The following EFTUD2 variants were observed in gnomAD, a reference collection of about 807,000 sequenced individuals.
The protein encoded by EFTUD2 is elongation factor Tu GTP binding domain containing 2, also known as 116 kDa U5 small nuclear ribonucleoprotein component.
EFTUD2 carries 9 observed loss-of-function variants against 114.3 expected under a neutral mutation model. The ratio of observed to expected loss-of-function variants is 0.08; its 90% CI spans 0.05 to 0.14. EFTUD2 has a LOEUF of 0.14. Ranked by LOEUF, EFTUD2 falls within the 10% of genes least tolerant of loss-of-function variation. The probability of loss-of-function intolerance (pLI) is 1.00; values close to 1 mark genes in which losing one functional copy is unlikely to be tolerated. For synonymous variants in EFTUD2, 449 were observed against 462.3 expected, an observed-to-expected ratio of 0.97 and a Z score of 0.37; for missense variants, 765 against 1,241.2, an observed-to-expected ratio of 0.62 and a Z score of 5.76.
intron 16 of EFTUD2, among the ~76,000 whole-genome samples, chr17:44,861,432 G>GA (rs35487111): frequency 0.011 from 1,100 of 100,150 alleles, 14 homozygotes; most frequent in Non-Finnish European, 0.015. Flanking sequence ...CTGACAGAGA[G>GA]AAAAAAAAAA....
At position 44,853,650 on chromosome 17, in the gene EFTUD2, G is replaced by C; in HGVS notation, c.2348-15C>G. On this transcript the variant is annotated splice_polypyrimidine_tract_variant and intron_variant, in intron 23 of 27. Transcript: ENST00000426333. ...ATTCCGAATCACTGTAAAGGAGGTG[G>C]AGGGAGTGACTGGGGAGAGGTTCTG... 1.2e-6 allele frequency: 2 copies of C among 1,613,096 alleles called. No individual in the cohort carries two copies. Among genetic ancestry groups the C allele is most frequent in the Non-Finnish European group, 1.7e-6 (2 of 1,179,170 alleles).
chr17:44,860,591 C>T (rs1567733980), intron 16 of EFTUD2, 48 bp from the exon 17 acceptor site: 1 of 1,149,032 alleles, frequency 8.7e-7, no homozygotes, highest in East Asian at 2.4e-5. Context: ...CAGAGCATTC[C>T]CTAATTTTTT....
At chr17:44,885,361 G>A in intron 3 of EFTUD2, 27 bp from the exon 4 acceptor site, 1 of 1,485,616 alleles carries the variant, frequency 6.7e-7, no homozygotes, top group Non-Finnish European at 9.4e-7. Context: ...AGGTAGTGAT[G>A]TGTAGGTGGG....
intron 11 of EFTUD2, among the ~76,000 whole-genome samples, chr17:44,870,058 T>C (rs894462844): frequency 1.3e-5 from 2 of 152,228 alleles, no homozygotes; most frequent in African/African-American, 2.4e-5. Context: ...TCATGTAAAA[T>C]GAAGAGGACG....
At chr17:44,877,077 T>C (rs2145522185) in intron 9 of EFTUD2, among the ~76,000 whole-genome samples, 1 of 152,042 alleles carries the variant, frequency 6.6e-6, no homozygotes, top group African/African-American at 2.4e-5. Context: ...ATACCTGTAG[T>C]CCCAGCTATT....
In EFTUD2 at chr17:44,857,215, A is replaced by AT. The variant is rs545921856; in HGVS notation, c.1963-59dup. On this transcript the variant is annotated intron_variant, in intron 19 of 27. Coordinates refer to ENST00000426333, the MANE Select transcript of EFTUD2 (RefSeq NM_004247.4). ...GTCTAATTTTGTTGGAAGGGCAACC[A>AT]TTTACCTAAGGGAATTCAGAAGCTC... is the stretch of plus-strand genomic sequence containing the variant. 2.8e-5 allele frequency: 41 copies of AT among 1,482,426 alleles called. No homozygotes were observed. In the South Asian group the frequency reaches 4.1e-4, roughly 15 times the overall value. 91.8% of individuals were successfully genotyped at this position (1,482,426 alleles called of 1,614,324 possible). A position where few individuals can be genotyped will look rare whatever the true frequency, so the allele number is the denominator to read the frequency against.
In EFTUD2 at chr17:44,859,991, C is replaced by T. The variant is rs2050626923; in HGVS notation, c.1774G>A (p.Val592Met). The T allele has an allele frequency of 6.2e-7, 1 of 1,614,078 alleles. No individual in the cohort carries two copies. Among genetic ancestry groups the T allele is most frequent in the Non-Finnish European group, 8.5e-7 (1 of 1,180,050 alleles). ...FNTTSVIKIAVEPVNPSELPK... is the reference protein window; with the variant it reads ...FNTTSVIKIAMEPVNPSELPK... ...AGCTCTGAGGGGTTGACTGGCTCCACAGCAATCTTGATAACAGATGTGGTA... is the reference window on the plus strand; with the variant it reads ...AGCTCTGAGGGGTTGACTGGCTCCATAGCAATCTTGATAACAGATGTGGTA... The change falls in exon 18 of 28, where the codon GTG (valine) becomes ATG (methionine). Residue 592 changes from valine to methionine, a missense_variant. Val to Met is a conservative substitution (Grantham distance 21). This residue lies in a region of EFTUD2 where 149 missense variants were observed against 245.1 expected (regional missense o/e 0.61). Coordinates refer to ENST00000426333, the MANE Select transcript of EFTUD2 (RefSeq NM_004247.4).
intron 11 of EFTUD2, among the ~76,000 whole-genome samples, chr17:44,869,141 C>T (rs1488199364): frequency 6.6e-6 from 1 of 152,216 alleles, no homozygotes; most frequent in Non-Finnish European, 1.5e-5. Flanking sequence ...AAGGTTACCA[C>T]CAAATTTTCA....
chr17:44,874,035 CTTTTT>C (rs35563732), intron 10 of EFTUD2, among the ~76,000 whole-genome samples: 4 of 115,488 alleles, frequency 3.5e-5, no homozygotes, highest in Non-Finnish European at 5.2e-5. Flanking sequence ...TGCCCGGCCT[CTTTTT>C]TTTTTTTTTT....
At chr17:44,871,800 A>T (rs9910936) in intron 11 of EFTUD2, among the ~76,000 whole-genome samples, 39,868 of 152,032 alleles carry the variant, frequency 0.26, 5,294 homozygotes, top group Non-Finnish European at 0.28. Flanking sequence ...CGACTCTAAG[A>T]ACGGGGTAAC....
intron 2 of EFTUD2, among the ~76,000 whole-genome samples, chr17:44,889,199 A>G (rs1284959242): frequency 6.6e-6 from 1 of 152,168 alleles, no homozygotes; most frequent in African/African-American, 2.4e-5. Flanking sequence ...AGGACTGGGA[A>G]CTGACCTTGG....
At chr17:44,880,172 G>C (rs1193735827) in intron 8 of EFTUD2, among the ~76,000 whole-genome samples, 1 of 152,162 alleles carries the variant, frequency 6.6e-6, no homozygotes, top group African/African-American at 2.4e-5. Flanking sequence ...GCCAAGGTGC[G>C]CTGCTCCCAA....
intron 20 of EFTUD2, among the ~76,000 whole-genome samples, chr17:44,856,130 CAAAAAAAAA>C (rs1045415785): frequency 2.7e-5 from 1 of 37,352 alleles, no homozygotes; most frequent in Non-Finnish European, 4.7e-5. Flanking sequence ...GACCCTGTCT[CAAAAAAAAA>C]AAAAAAAAAA....
At chr17:44,882,800 T>C (rs1298296591) in intron 6 of EFTUD2, among the ~76,000 whole-genome samples, 2 of 152,192 alleles carry the variant, frequency 1.3e-5, no homozygotes, top group Non-Finnish European at 2.9e-5. Context: ...GAGCAGGCTA[T>C]TAATACTATA....
intron 26 of EFTUD2, 44 bp from the exon 27 acceptor site, chr17:44,851,861 G>C: frequency 6.6e-7 from 1 of 1,522,624 alleles, no homozygotes; most frequent in South Asian, 1.2e-5. Flanking sequence ...AGAATTCCCA[G>C]AAGATTCAGG....
chr17:44,853,979 T>C, intron 23 of EFTUD2: 1 of 1,354,704 alleles, frequency 7.4e-7, no homozygotes, highest in Non-Finnish European at 9.5e-7. Context: ...CTATAAACCA[T>C]TCCAATCTCA....
chr17:44,860,480 T>C lies in EFTUD2; in HGVS notation c.1671A>G (p.Gln557=), dbSNP rs1179231558. 8 of 1,614,098 alleles carry C rather than the reference T, an allele frequency of 5.0e-6. No homozygotes were observed. Among genetic ancestry groups the C allele is most frequent in the Admixed American group, 1.7e-5 (1 of 60,006 alleles). Residue 557 remains glutamine (Q), a synonymous_variant, in exon 17 of 28, where the codon CAA becomes CAG. Transcript: ENST00000426333. The stretch of plus-strand genomic sequence containing the variant: ...TTATGGTTGCTGTCTTCACAATTGG[T>C]TGATCAACACCTTCAATCAGAACCC... The part of the protein sequence containing the change: ...GNWVLIEGVD[Q]PIVKTATITE...
At chr17:44,887,627 T>C (rs997361054) in intron 2 of EFTUD2, among the ~76,000 whole-genome samples, 3 of 152,196 alleles carry the variant, frequency 2.0e-5, no homozygotes, top group African/African-American at 7.2e-5. Context: ...ATATTCAGAA[T>C]AGGCGAATCT....
intron 27 of EFTUD2, 79 bp from the exon 28 acceptor site, chr17:44,851,448 A>T (rs1312449602): frequency 1.6e-6 from 2 of 1,227,464 alleles, no homozygotes; most frequent in Non-Finnish European, 2.4e-6. Context: ...ACCTGTGTTC[A>T]GTGGGGAGGC....
Sources: gnomAD v4.1 joint callset for allele counts (sites outside exome capture counted in the v4.1 genomes callset) on GRCh38, gnomAD v4.1.1 for gene constraint, gnomAD v4.1.1 regional missense constraint, MANE v1.5 for transcripts, NCBI Gene and HGNC (gene_info 2026-07-23, HGNC 2026-07-21) for gene names.